Variants in FUT9 observed in about 807,000 individuals in gnomAD.
FUT9 encodes fucosyltransferase 9.
A neutral mutation model predicts 29.7 loss-of-function variants in FUT9; 15 were observed. The observed-to-expected ratio is 0.51, with a 90% CI of 0.34 to 0.78. The LOEUF (loss-of-function observed/expected upper bound fraction) is 0.78. Among genes scored for constraint, FUT9 ranks in the 30% least tolerant of loss-of-function variants. The pLI, the probability that FUT9 is intolerant of heterozygous loss-of-function variation, is 0.01. For missense variants in FUT9, 319 were observed against 425.4 expected (o/e 0.75, Z 2.20); for synonymous variants, 169 against 153.7 (o/e 1.10, Z -0.74).
intron 1 of FUT9, among the ~76,000 whole-genome samples, chr6:96,063,737 A>G (rs2127945148): frequency 6.6e-6 from 1 of 152,302 alleles, no homozygotes; most frequent in Middle Eastern, 3.4e-3. Flanking sequence ...GTGAGTACAT[A>G]AAGTGGGAAG....
chr6:96,187,264 C>T (rs930987016), intron 2 of FUT9, among the ~76,000 whole-genome samples: 1 of 152,114 alleles, frequency 6.6e-6, no homozygotes, highest in Admixed American at 6.6e-5. Flanking sequence ...GAGTGTTTCA[C>T]TGAATTCAAA....
At chr6:96,165,554 G>T in intron 2 of FUT9, among the ~76,000 whole-genome samples, 1 of 149,966 alleles carries the variant, frequency 6.7e-6, no homozygotes, top group East Asian at 2.0e-4. Flanking sequence ...CCAATGCAAA[G>T]ACCTTTATAT....
intron 1 of FUT9, among the ~76,000 whole-genome samples, chr6:96,079,926 A>T (rs932467270): frequency 6.6e-6 from 1 of 151,828 alleles, no homozygotes; most frequent in South Asian, 2.1e-4. Context: ...ATATAGCTTT[A>T]AAAAAATGGA....
At chr6:96,132,237 C>A (rs1316270960) in intron 2 of FUT9, among the ~76,000 whole-genome samples, 1 of 151,858 alleles carries the variant, frequency 6.6e-6, no homozygotes, top group Non-Finnish European at 1.5e-5. Flanking sequence ...TTTTCCACTC[C>A]ATGAAACTTT....
intron 1 of FUT9, among the ~76,000 whole-genome samples, chr6:96,039,814 A>G (rs1770424372): frequency 6.6e-6 from 1 of 152,182 alleles, no homozygotes; most frequent in South Asian, 2.1e-4. Context: ...GCAATGAGCA[A>G]TAAGTTGTGT....
At chr6:96,025,513 C>T (rs1050407705) in intron 1 of FUT9, among the ~76,000 whole-genome samples, 2 of 151,592 alleles carry the variant, frequency 1.3e-5, no homozygotes, top group Non-Finnish European at 3.0e-5. Context: ...GTGTGTATAT[C>T]CTTTGATACT....
chr6:96,124,340 CAG>C (rs1772092105), intron 2 of FUT9, among the ~76,000 whole-genome samples: 1 of 151,576 alleles, frequency 6.6e-6, no homozygotes, highest in East Asian at 2.0e-4. Context: ...TTAGTAGAGA[CAG>C]GGTTTCACCA....
chr6:96,049,058 C>G (rs141980121), intron 1 of FUT9, among the ~76,000 whole-genome samples: 140 of 152,092 alleles, frequency 9.2e-4, no homozygotes, highest in African/African-American at 3.3e-3. Flanking sequence ...TTGAATAGTG[C>G]CTGACACATA....
At chr6:96,083,163 G>A (rs535155324) in intron 1 of FUT9, among the ~76,000 whole-genome samples, 1 of 151,948 alleles carries the variant, frequency 6.6e-6, no homozygotes, top group South Asian at 2.1e-4. Context: ...TAGAAACTTT[G>A]TGTTTTCTTA....
chr6:96,098,997 TCTC>T (rs1271863276), intron 1 of FUT9, among the ~76,000 whole-genome samples: 1 of 152,180 alleles, frequency 6.6e-6, no homozygotes, highest in East Asian at 1.9e-4. Context: ...GCATCTGTCT[TCTC>T]AAGTACTGTG....
intron 1 of FUT9, among the ~76,000 whole-genome samples, chr6:96,098,767 C>T (rs1412630514): frequency 6.6e-6 from 1 of 152,138 alleles, no homozygotes. Context: ...CAACAAACTG[C>T]TTAACTATTC....
intron 1 of FUT9, among the ~76,000 whole-genome samples, chr6:96,077,474 T>A (rs946705917): frequency 3.9e-5 from 6 of 152,166 alleles, no homozygotes; most frequent in Non-Finnish European, 8.8e-5. Flanking sequence ...TCAAAAGCCT[T>A]TTAATGTAAT....
chr6:96,197,842 C>T (rs1483063308), intron 2 of FUT9, among the ~76,000 whole-genome samples: 1 of 152,146 alleles, frequency 6.6e-6, no homozygotes, highest in Non-Finnish European at 1.5e-5. Flanking sequence ...CCTGTTCCAT[C>T]TCCACATTTT....
At chr6:96,084,409 A>T (rs1771284970) in intron 1 of FUT9, among the ~76,000 whole-genome samples, 1 of 152,084 alleles carries the variant, frequency 6.6e-6, no homozygotes, top group African/African-American at 2.4e-5. Context: ...TCAGTTTTCA[A>T]TTTTGTCCCA....
chr6:96,108,635 C>T (rs1562127509), intron 1 of FUT9, among the ~76,000 whole-genome samples: 1 of 152,164 alleles, frequency 6.6e-6, no homozygotes, highest in East Asian at 1.9e-4. Flanking sequence ...ACACTCTCTA[C>T]CACTCTGTTC....
intron 1 of FUT9, among the ~76,000 whole-genome samples, chr6:96,087,984 C>T (rs1771346601): frequency 6.6e-6 from 1 of 152,138 alleles, no homozygotes; most frequent in Admixed American, 6.5e-5. Context: ...TTTTCACTGG[C>T]TATGCAATTC....
At chr6:96,160,587 T>G (rs1002288019) in intron 2 of FUT9, among the ~76,000 whole-genome samples, 6 of 152,132 alleles carry the variant, frequency 3.9e-5, no homozygotes, top group African/African-American at 1.4e-4. Flanking sequence ...TGATAAAAAC[T>G]TATCCAACTT....
At chr6:96,048,801 A>G (rs1770612677) in intron 1 of FUT9, among the ~76,000 whole-genome samples, 1 of 152,116 alleles carries the variant, frequency 6.6e-6, no homozygotes, top group Admixed American at 6.5e-5. Flanking sequence ...GACCAAGTAC[A>G]ATTGGAACTG....
At chr6:96,094,142 G>A (rs921154450) in intron 1 of FUT9, among the ~76,000 whole-genome samples, 2 of 152,062 alleles carry the variant, frequency 1.3e-5, no homozygotes, top group Admixed American at 1.3e-4. Context: ...AGTTACCTGT[G>A]GTCCTCAGTG....
Sources: gnomAD v4.1 joint callset for allele counts (sites outside exome capture counted in the v4.1 genomes callset) on GRCh38, gnomAD v4.1.1 for gene constraint, MANE v1.5 for transcripts, NCBI Gene and HGNC (gene_info 2026-07-23, HGNC 2026-07-21) for gene names.